SLC14A2: variants seen among roughly 807,000 people sequenced by gnomAD.
SLC14A2 encodes solute carrier family 14 member 2, also known as urea transporter 2.
In SLC14A2, 91 loss-of-function variants were observed where a neutral mutation model predicts 104.6. That is an observed-to-expected ratio of 0.87 (90% CI 0.73 to 1.04). The LOEUF (loss-of-function observed/expected upper bound fraction) is 1.04. Ranked by LOEUF, SLC14A2 falls within the 50% of genes least tolerant of loss-of-function variation. SLC14A2 has a pLI of 0.00. For missense variants in SLC14A2, 1,189 were observed against 1,156.0 expected, an observed-to-expected ratio of 1.03 and a Z score of -0.41; for synonymous variants, 476 against 466.4, an observed-to-expected ratio of 1.02 and a Z score of -0.27.
chr18:45,339,377 A>G (rs1432033379), intron 1 of SLC14A2, among the ~76,000 whole-genome samples: 1 of 152,244 alleles, frequency 6.6e-6, no homozygotes, highest in Non-Finnish European at 1.5e-5. Context: ...TCTAATTAAC[A>G]AAGCCACTGG....
At chr18:45,431,688 A>G (rs1410962102) in intron 1 of SLC14A2, among the ~76,000 whole-genome samples, 1 of 152,190 alleles carries the variant, frequency 6.6e-6, no homozygotes, top group African/African-American at 2.4e-5. Flanking sequence ...TGTGTGTGCA[A>G]TGTGCTTCAG....
chr18:45,222,397 C>T (rs1456206430), intron 1 of SLC14A2, among the ~76,000 whole-genome samples: 2 of 152,138 alleles, frequency 1.3e-5, no homozygotes, highest in East Asian at 3.9e-4. Context: ...ATCATCAGGG[C>T]TTAAATGTGA....
At chr18:45,263,016 A>G (rs1435837195) in intron 1 of SLC14A2, among the ~76,000 whole-genome samples, 1 of 152,182 alleles carries the variant, frequency 6.6e-6, no homozygotes, top group African/African-American at 2.4e-5. Flanking sequence ...ATGTTGGTAC[A>G]ATATTATTCA....
intron 1 of SLC14A2, among the ~76,000 whole-genome samples, chr18:45,251,069 G>A (rs938633318): frequency 9.2e-5 from 14 of 152,252 alleles, no homozygotes; most frequent in Non-Finnish European, 1.5e-4. Flanking sequence ...AACAGTTAAA[G>A]TATTTGGTTA....
chr18:45,535,282 A>G (rs78499439), intron 2 of SLC14A2, among the ~76,000 whole-genome samples: 2,041 of 152,274 alleles, frequency 0.013, 38 homozygotes, highest in African/African-American at 0.047. Context: ...TACCTCCATC[A>G]TTTCTGACAA....
At chr18:45,178,311 AAG>A in the SLC14A2 span, among the ~76,000 whole-genome samples, 3 of 152,214 alleles carry the variant, frequency 2.0e-5, no homozygotes, top group East Asian at 1.9e-4. Context: ...GTCTACATAA[AAG>A]AGTGACAGTC....
intron 2 of SLC14A2, among the ~76,000 whole-genome samples, chr18:45,516,840 G>T (rs1000047878): frequency 6.6e-6 from 1 of 152,226 alleles, no homozygotes; most frequent in African/African-American, 2.4e-5. Context: ...TTAAGTTAGT[G>T]TTGGGGGCAC....
At chr18:45,550,149 G>C (rs1434978054) in intron 2 of SLC14A2, 1 of 152,162 alleles carries the variant, frequency 6.6e-6, no homozygotes, top group Non-Finnish European at 1.5e-5. Flanking sequence ...CCAAAGAAAA[G>C]TTTTCATTAA....
intron 1 of SLC14A2, among the ~76,000 whole-genome samples, chr18:45,416,358 A>G (rs772925030): frequency 2.6e-5 from 4 of 151,528 alleles, no homozygotes; most frequent in Non-Finnish European, 5.9e-5. Context: ...ACACCAAATA[A>G]CCTTGTCATG....
intron 2 of SLC14A2, among the ~76,000 whole-genome samples, chr18:45,577,228 C>G (rs1049868475): frequency 1.3e-5 from 2 of 151,948 alleles, no homozygotes; most frequent in Non-Finnish European, 2.9e-5. Context: ...AGAATAAAAA[C>G]ATACTTAATA....
At chr18:45,401,267 C>T (rs1340243560) in intron 1 of SLC14A2, among the ~76,000 whole-genome samples, 3 of 152,170 alleles carry the variant, frequency 2.0e-5, no homozygotes, top group African/African-American at 4.8e-5. Flanking sequence ...ACTATCAGCA[C>T]ATAATGTTAT....
intron 2 of SLC14A2, among the ~76,000 whole-genome samples, chr18:45,499,696 G>A (rs528713114): frequency 5.9e-5 from 9 of 152,256 alleles, no homozygotes; most frequent in African/African-American, 2.2e-4. Context: ...TGGGGAAGAG[G>A]GGCCAGGAGG....
chr18:45,631,303 C>T (rs1199836600), intron 4 of SLC14A2, among the ~76,000 whole-genome samples: 2 of 152,260 alleles, frequency 1.3e-5, no homozygotes, highest in African/African-American at 4.8e-5. Context: ...TGACCACAAG[C>T]ACACACAGGT....
At chr18:45,311,624 A>C (rs1323435039) in intron 1 of SLC14A2, among the ~76,000 whole-genome samples, 1 of 152,240 alleles carries the variant, frequency 6.6e-6, no homozygotes, top group Admixed American at 6.5e-5. Flanking sequence ...CTGGACATTC[A>C]GATTTGACAT....
intron 1 of SLC14A2, among the ~76,000 whole-genome samples, chr18:45,342,266 A>T (rs2085403624): frequency 6.6e-6 from 1 of 152,222 alleles, no homozygotes; most frequent in Non-Finnish European, 1.5e-5. Context: ...ACAGTTTCTG[A>T]CACTATGAGG....
intron 2 of SLC14A2, among the ~76,000 whole-genome samples, chr18:45,538,450 G>T (rs763615859): frequency 1.3e-5 from 2 of 152,152 alleles, no homozygotes; most frequent in Admixed American, 6.5e-5. Flanking sequence ...TTCAAGGCTC[G>T]ACTGGGACTG....
At chr18:45,421,348 A>G (rs1023943059) in intron 1 of SLC14A2, among the ~76,000 whole-genome samples, 1 of 151,598 alleles carries the variant, frequency 6.6e-6, no homozygotes, top group Non-Finnish European at 1.5e-5. Flanking sequence ...CTTTGCATTC[A>G]TAGTTCACAG....
In SLC14A2 at chr18:45,487,317, C is replaced by T. The variant is rs577982923; in HGVS notation, c.-35+3995C>T. 1.4e-4 allele frequency among the ~76,000 whole-genome samples: 22 copies of T among 152,336 alleles called. No homozygotes were observed. In the South Asian group the frequency reaches 4.6e-3, roughly 32 times the overall value. ...GGCCACAGCCAAGAAAGGTTTTCCA[C>T]TTTTAAGGGCTCATATGATTAGGCT... is the stretch of plus-strand genomic sequence containing the variant. On this transcript the variant is annotated intron_variant, in intron 2 of 20. Coordinates refer to the SLC14A2 transcript ENST00000586448.
At chr18:45,285,511 A>G (rs921856767) in intron 1 of SLC14A2, among the ~76,000 whole-genome samples, 13 of 152,062 alleles carry the variant, frequency 8.5e-5, no homozygotes, top group African/African-American at 2.9e-4. Context: ...TCTGCCCTCC[A>G]GGTTGGAGCA....
Sources: gnomAD v4.1 joint callset for allele counts (sites outside exome capture counted in the v4.1 genomes callset) on GRCh38, gnomAD v4.1.1 for gene constraint, MANE v1.5 for transcripts, NCBI Gene and HGNC (gene_info 2026-07-23, HGNC 2026-07-21) for gene names.